PLXNA4: variants seen among roughly 807,000 people sequenced by gnomAD.
PLXNA4 encodes the protein plexin A4.
Under a neutral mutation model 191.8 loss-of-function variants are expected in PLXNA4, and 44 were observed. That is an observed-to-expected ratio of 0.23 (90% CI 0.18 to 0.29). The LOEUF is 0.29. Ranked by LOEUF, PLXNA4 falls within the 10% of genes least tolerant of loss-of-function variation. The pLI, the probability that PLXNA4 is intolerant of heterozygous loss-of-function variation, is 1.00. For missense variants in PLXNA4, 1,800 were observed against 2,488.8 expected (o/e 0.72, Z 5.89); for synonymous variants, 1,082 against 1,009.5 (o/e 1.07, Z -1.36).
Position 132,383,882 on chromosome 7 carries a change from A to G in PLXNA4, c.1372-85660T>C, listed in dbSNP as rs543179419. On this transcript the variant is annotated intron_variant, in intron 3 of 31. Coordinates refer to ENST00000321063, the MANE Select transcript of PLXNA4 (RefSeq NM_020911.2). ...TAGAATTCCCAACAGCCATGCTTCA[A>G]TGCACACAGAGCCAGTTTCACATGG... 17 of 985,458 alleles carry G rather than the reference A, an allele frequency of 1.7e-5. No homozygotes were observed. The African/African-American group carries it at 2.8e-4, about 16-fold the overall frequency. 61.0% of individuals were successfully genotyped at this position (985,458 alleles called of 1,614,324 possible).
chr7:132,224,729 G>A (rs1175178300), intron 8 of PLXNA4, among the ~76,000 whole-genome samples: 1 of 152,194 alleles, frequency 6.6e-6, no homozygotes, highest in Non-Finnish European at 1.5e-5. Flanking sequence ...TTTGCCGCAA[G>A]AGGCAAGAGG....
intron 2 of PLXNA4, among the ~76,000 whole-genome samples, chr7:132,623,011 C>A (rs907138217): frequency 1.3e-5 from 2 of 152,120 alleles, no homozygotes; most frequent in Non-Finnish European, 2.9e-5. Context: ...CCAACCCACC[C>A]CTCCAGGTGA....
intron 2 of PLXNA4, among the ~76,000 whole-genome samples, chr7:132,589,564 G>A (rs1802568223): frequency 6.6e-6 from 1 of 152,044 alleles, no homozygotes; most frequent in South Asian, 2.1e-4. Context: ...GAAAACCAAG[G>A]ACTCAGGTGA....
rs376291811 is a variant in PLXNA4, at chr7:132,286,934, A to T, written c.1503+11157T>A. Among the ~76,000 whole-genome samples, 19 of 152,290 alleles carry T rather than the reference A, an allele frequency of 1.2e-4. No individual in the cohort carries two copies. In the South Asian group the frequency reaches 1.9e-3, roughly 15 times the overall value. On this transcript the variant is annotated intron_variant, in intron 4 of 31. Transcript: ENST00000321063. The stretch of plus-strand genomic sequence containing the variant: ...CTTTCTAGAGGCTTTGAGATGATAG[A>T]TAGGGGAAGCACAGAATCCTGGGTA...
In PLXNA4 at chr7:132,130,220, T is replaced by C; in HGVS notation, c.*259A>G. On this transcript the variant is annotated 3_prime_UTR_variant, in exon 32 of 32. Coordinates refer to ENST00000321063, the MANE Select transcript of PLXNA4 (RefSeq NM_020911.2). The stretch of plus-strand genomic sequence containing the variant: ...GCCTCTCTGACATCTTCTGGTCAGC[T>C]CCCTTGCCATGGGCCTGGCCATTCT... 1 of 455,766 alleles carries C rather than the reference T, an allele frequency of 2.2e-6. No individual in the cohort carries two copies. Among genetic ancestry groups the C allele is most frequent in the Admixed American group, 3.4e-5 (1 of 29,588 alleles). 28.2% of individuals were successfully genotyped at this position (455,766 alleles called of 1,614,324 possible).
At position 132,228,213 on chromosome 7, in the gene PLXNA4, C is replaced by G. The variant is rs1798397001; in HGVS notation, c.1728+133G>C. The G allele has an allele frequency of 3.4e-6, 4 of 1,180,484 alleles. No homozygotes were observed. In the South Asian group the frequency reaches 4.5e-5, roughly 13 times the overall value. 73.1% of individuals were successfully genotyped at this position (1,180,484 alleles called of 1,614,324 possible). On this transcript the variant is annotated intron_variant, in intron 6 of 31. Coordinates refer to ENST00000321063, the MANE Select transcript of PLXNA4 (RefSeq NM_020911.2). The stretch of plus-strand genomic sequence containing the variant: ...CACTTAATTCTTTGATATCCTGCAC[C>G]CTTCTCTTGAGCTGCTTCTGCTGGC...
At chr7:132,586,702 G>A (rs187246242) in intron 2 of PLXNA4, among the ~76,000 whole-genome samples, 3 of 152,270 alleles carry the variant, frequency 2.0e-5, no homozygotes, top group Non-Finnish European at 4.4e-5. Flanking sequence ...GCAGTGAGCC[G>A]AGATGGTGCC....
intron 3 of PLXNA4, among the ~76,000 whole-genome samples, chr7:132,356,259 C>T (rs1164441890): frequency 1.3e-5 from 2 of 152,122 alleles, no homozygotes; most frequent in East Asian, 3.8e-4. Flanking sequence ...AAGCCTGAAG[C>T]TCAGATACAG....
In PLXNA4 at chr7:132,174,703, G is replaced by C. The variant is rs531418914; in HGVS notation, c.4017+75C>G. On this transcript the variant is annotated intron_variant, in intron 21 of 31. Coordinates refer to ENST00000321063, the MANE Select transcript of PLXNA4 (RefSeq NM_020911.2). ...CCCTGGCCTTAGTTTTCTCACCTCC[G>C]AAAGAAGGGGCTGGACTTGAAGATT... is the stretch of plus-strand genomic sequence containing the variant. 2.6e-4 allele frequency: 413 copies of C among 1,569,710 alleles called. 1 individual carries two copies. In the South Asian group the frequency reaches 2.7e-3, roughly 10 times the overall value.
rs1388075495 is a variant in PLXNA4, at chr7:132,130,435, G to A, written c.*44C>T. On this transcript the variant is annotated 3_prime_UTR_variant, in exon 32 of 32. Coordinates refer to ENST00000321063, the MANE Select transcript of PLXNA4 (RefSeq NM_020911.2). Reference sequence around the variant, plus strand: ...AAGATGATAATCTAGACTGAGGCACGGCTTGGTGTGTCCCCCTCCAGGGCG... The same window carrying A: ...AAGATGATAATCTAGACTGAGGCACAGCTTGGTGTGTCCCCCTCCAGGGCG... 3 of 1,613,692 alleles carry A rather than the reference G, an allele frequency of 1.9e-6. No homozygotes were observed. The highest frequency in any genetic ancestry group is 1.7e-5 in the Admixed American group (1 of 60,006).
At chr7:132,201,834 C>T (rs1356277756) in intron 12 of PLXNA4, among the ~76,000 whole-genome samples, 2 of 152,212 alleles carry the variant, frequency 1.3e-5, no homozygotes, top group Non-Finnish European at 2.9e-5. Flanking sequence ...TTGGCTTAGA[C>T]ATCCCTGGGA....
rs1799555721 is a variant in PLXNA4 at position 132,259,476 on chromosome 7, AAAAAGG to A, written c.1504-18316_1504-18311del. Among the ~76,000 whole-genome samples, 4 of 139,650 alleles carry A rather than the reference AAAAAGG, an allele frequency of 2.9e-5. 1 individual carries two copies. The highest frequency in any genetic ancestry group is 8.4e-5 in the African/African-American group (3 of 35,560). 91.6% of individuals were successfully genotyped at this position (139,650 alleles called of 152,430 possible). A position where few individuals can be genotyped will look rare whatever the true frequency, so the allele number is the denominator to read the frequency against. On this transcript the variant is annotated intron_variant, in intron 4 of 31. Transcript: ENST00000321063. ...AAAAAAAAAAAAAAAAAAAAAAAGAAAAAAGGAAAAAAGAAAAGCAAAAGAAAACCA... is the reference window on the plus strand; with the variant it reads ...AAAAAAAAAAAAAAAAAAAAAAAGAAAAAAAAGAAAAGCAAAAGAAAACCA...
At chr7:132,261,566 A>C (rs1249165082) in intron 4 of PLXNA4, among the ~76,000 whole-genome samples, 2 of 152,180 alleles carry the variant, frequency 1.3e-5, no homozygotes, top group African/African-American at 2.4e-5. Context: ...GCCACACCCC[A>C]AGGTATTTCC....
At chr7:132,541,202 C>T (rs1366721073) in intron 1 of PLXNA4, among the ~76,000 whole-genome samples, 2 of 152,176 alleles carry the variant, frequency 1.3e-5, no homozygotes, top group African/African-American at 2.4e-5. Context: ...TAACTTAACA[C>T]CTCTCTTCCC....
intron 4 of PLXNA4, among the ~76,000 whole-genome samples, chr7:132,284,387 T>C (rs1800604265): frequency 6.6e-6 from 1 of 152,226 alleles, no homozygotes; most frequent in African/African-American, 2.4e-5. Context: ...ATGCTTCATG[T>C]GAATATCATT....
chr7:132,275,419 A>G (rs1471491533), intron 4 of PLXNA4, among the ~76,000 whole-genome samples: 1 of 152,164 alleles, frequency 6.6e-6, no homozygotes, highest in Non-Finnish European at 1.5e-5. Context: ...GTTTCATGAA[A>G]CCACCACCAC....
chr7:132,604,879 C>G (rs563681292), intron 2 of PLXNA4, among the ~76,000 whole-genome samples: 4 of 152,338 alleles, frequency 2.6e-5, no homozygotes, highest in African/African-American at 7.2e-5. Context: ...ACCCTAGCCA[C>G]AGCCTCTCCC....
At chr7:132,146,486 G>C in intron 28 of PLXNA4, 24 bp downstream of exon 28, 1 of 1,614,096 alleles carries the variant, frequency 6.2e-7, no homozygotes, top group Non-Finnish European at 8.5e-7. Flanking sequence ...TGGGCTCCCT[G>C]CACCCAGTTC....
rs1315341995 is a variant in PLXNA4, at chr7:132,508,923, C to T, written c.-86-144G>A. 4 of 798,702 alleles carry T rather than the reference C, an allele frequency of 5.0e-6. No individual in the cohort carries two copies. The highest frequency in any genetic ancestry group is 3.6e-5 in the Admixed American group (1 of 28,076). The allele number at this position is 798,702 out of a possible 1,614,324, so 49.5% of individuals were successfully genotyped here. A position where few individuals can be genotyped will look rare whatever the true frequency, so the allele number is the denominator to read the frequency against. ...GGTGCTGGAGGCTGACTGAGTCAAC[C>T]CCCACCACGGGCATGTGACACAGTC... is the stretch of plus-strand genomic sequence containing the variant. On this transcript the variant is annotated intron_variant, in intron 1 of 31. Transcript: ENST00000321063. This position sits in a 1 kb window ranked among gnomAD's most constrained non-coding sequence, Gnocchi z 4.4.
Sources: gnomAD v4.1 joint callset for allele counts (sites outside exome capture counted in the v4.1 genomes callset) on GRCh38, gnomAD v4.1.1 for gene constraint, Gnocchi (gnomAD v3.1) non-coding constraint, MANE v1.5 for transcripts, NCBI Gene and HGNC (gene_info 2026-07-23, HGNC 2026-07-21) for gene names.